The following MCPH1 variants were observed in gnomAD, a reference collection of about 807,000 sequenced individuals.
MCPH1 encodes microcephalin 1.
A neutral mutation model predicts 84.5 loss-of-function variants in MCPH1; 104 were observed. The ratio of observed to expected loss-of-function variants is 1.23; its 90% CI spans 1.05 to 1.45. The LOEUF (loss-of-function observed/expected upper bound fraction) is 1.45. Ranked by LOEUF, MCPH1 falls within the 40% of genes most tolerant of loss-of-function variation. The probability of loss-of-function intolerance (pLI) is 0.00; values close to 1 mark genes in which losing one functional copy is unlikely to be tolerated. For synonymous variants in MCPH1, 514 were observed against 366.8 expected (o/e 1.40, Z -4.58); for missense variants, 1,498 against 1,005.7 (o/e 1.49, Z -6.62).
intron 13 of MCPH1, among the ~76,000 whole-genome samples, chr8:6,632,916 A>C (rs1409159711): frequency 6.6e-6 from 1 of 152,216 alleles, no homozygotes; most frequent in Admixed American, 6.5e-5. Flanking sequence ...GTTTAACCTA[A>C]GAATGAAAGG....
At chr8:6,409,165 C>A (rs994878422) in intron 1 of MCPH1, 114 bp from the exon 2 acceptor site, 4 of 858,960 alleles carry the variant, frequency 4.7e-6, no homozygotes, top group Non-Finnish European at 7.8e-6. Flanking sequence ...GGATTACAGG[C>A]GTGAGCCACT....
At chr8:6,441,018 A>G (rs572598275) in intron 6 of MCPH1, among the ~76,000 whole-genome samples, 143 of 152,248 alleles carry the variant, frequency 9.4e-4, no homozygotes, top group African/African-American at 3.3e-3. Context: ...CAGCTAAGCC[A>G]TCTCCTTTTG....
rs566280020 is a variant in MCPH1 at position 6,502,109 on chromosome 8, A to G, written c.2214+2180A>G. On this transcript the variant is annotated intron_variant, in intron 12 of 13. Transcript: ENST00000344683. ...TAGTTCTATAAAAATATATCTTACT[A>G]GGAAAGAAAACAGACCTCTGTTTTA... 6 of 152,272 alleles carry G rather than the reference A, an allele frequency of 3.9e-5. No individual in the cohort carries two copies. The East Asian group carries it at 1.2e-3, about 29-fold the overall frequency. The allele number at this position is 152,272 out of a possible 1,614,324, so 9.4% of individuals were successfully genotyped here.
At chr8:6,563,165 A>C in intron 12 of MCPH1, 1 of 397,240 alleles carries the variant, frequency 2.5e-6, no homozygotes, top group Non-Finnish European at 4.6e-6. Context: ...AGTCCTGCTC[A>C]CTTGGGAGGG....
chr8:6,621,418 C>T (rs1208745536), intron 12 of MCPH1, 36 bp from the exon 13 acceptor site: 9 of 1,612,154 alleles, frequency 5.6e-6, no homozygotes, highest in Non-Finnish European at 6.8e-6. Flanking sequence ...CTGGAGTGGT[C>T]CCACCTCTGT....
intron 12 of MCPH1, among the ~76,000 whole-genome samples, chr8:6,511,090 T>G (rs1032627883): frequency 6.6e-6 from 1 of 152,250 alleles, no homozygotes; most frequent in African/African-American, 2.4e-5. Flanking sequence ...TTGAACATGT[T>G]TAGTTCTCAT....
intron 2 of MCPH1, among the ~76,000 whole-genome samples, chr8:6,413,902 G>A (rs537191552): frequency 6.6e-6 from 1 of 151,998 alleles, no homozygotes; most frequent in African/African-American, 2.4e-5. Flanking sequence ...CTACAGGCAC[G>A]AACCTCCACG....
chr8:6,621,942 C>T (rs1057481145), intron 13 of MCPH1, among the ~76,000 whole-genome samples: 7 of 152,170 alleles, frequency 4.6e-5, no homozygotes, highest in African/African-American at 4.8e-5. Context: ...TTCCCTGGCT[C>T]GTGTGAAAAA....
At chr8:6,642,874 G>C (rs745987104) in intron 13 of MCPH1, 120 bp from the exon 14 acceptor site, 184 of 922,796 alleles carry the variant, frequency 2.0e-4, no homozygotes, top group Non-Finnish European at 2.7e-4. Context: ...GGGGCCTATG[G>C]ACAACACAGC....
chr8:6,565,943 A>G (rs1041398224), intron 12 of MCPH1, among the ~76,000 whole-genome samples: 3 of 152,226 alleles, frequency 2.0e-5, no homozygotes, highest in Non-Finnish European at 4.4e-5. Context: ...TATCGGAACC[A>G]GAGAGTCAGG....
rs11459930 is a variant in MCPH1 at position 6,453,396 on chromosome 8, C to CTT, written c.1826-1736_1826-1735dup. Among the ~76,000 whole-genome samples, 293 of 147,442 alleles carry CTT rather than the reference C, an allele frequency of 2.0e-3. 2 individuals carry two copies. Among genetic ancestry groups the CTT allele is most frequent in the South Asian group, 4.7e-3 (22 of 4,680 alleles). On this transcript the variant is annotated intron_variant, in intron 8 of 13. Coordinates refer to ENST00000344683, the MANE Select transcript of MCPH1 (RefSeq NM_024596.5). ...GTGAAAACATGTTAACAATATCAGT[C>CTT]TTTTTTTTTTTTAATATCAGTCTTT...
intron 12 of MCPH1, among the ~76,000 whole-genome samples, chr8:6,509,952 C>T (rs1374128862): frequency 2.0e-5 from 3 of 152,178 alleles, no homozygotes; most frequent in Non-Finnish European, 2.9e-5. Flanking sequence ...TGCCACATAT[C>T]ACTAGCCAGG....
In MCPH1 at chr8:6,445,124, A is replaced by C. The variant is rs1472912410; in HGVS notation, c.1402A>C (p.Thr468Pro). The C allele has an allele frequency of 1.9e-6, 3 of 1,614,262 alleles. No individual in the cohort carries two copies. Among genetic ancestry groups the C allele is most frequent in the Admixed American group, 1.7e-5 (1 of 60,034 alleles). ...MSDFSCVGKK[T>P]RTVDITNFTA... ...TGATTTTTCCTGCGTTGGCAAAAAA[A>C]CCAGAACAGTTGACATTACCAATTT... Residue 468 changes from threonine to proline, a missense_variant, in exon 8 of 14, where the codon ACC (threonine) becomes CCC (proline). Physicochemically the swap from Thr to Pro is conservative, Grantham distance 38. Transcript: ENST00000344683.
intron 12 of MCPH1, among the ~76,000 whole-genome samples, chr8:6,596,904 G>A (rs1828972422): frequency 6.6e-6 from 1 of 152,172 alleles, no homozygotes; most frequent in Admixed American, 6.5e-5. Context: ...CAGTAAGAAT[G>A]AATGAGAAAA....
chr8:6,585,614 T>C (rs1484118574), intron 12 of MCPH1, among the ~76,000 whole-genome samples: 1 of 152,260 alleles, frequency 6.6e-6, no homozygotes, highest in Non-Finnish European at 1.5e-5. Flanking sequence ...TGAAATTTAT[T>C]TGTGACATCA....
At chr8:6,425,806 G>A (rs1427959818) in intron 3 of MCPH1, among the ~76,000 whole-genome samples, 4 of 152,194 alleles carry the variant, frequency 2.6e-5, no homozygotes, top group South Asian at 2.1e-4. Flanking sequence ...TTTCCAGCAC[G>A]GTTGGTGTGA....
At chr8:6,488,747 C>G (rs776561704) in intron 11 of MCPH1, among the ~76,000 whole-genome samples, 2 of 151,924 alleles carry the variant, frequency 1.3e-5, no homozygotes, top group African/African-American at 2.4e-5. Flanking sequence ...AGCCATCGGA[C>G]TATTTTAATT....
intron 3 of MCPH1, among the ~76,000 whole-genome samples, chr8:6,421,745 C>T (rs1345727381): frequency 1.3e-5 from 2 of 152,196 alleles, no homozygotes; most frequent in Non-Finnish European, 2.9e-5. Flanking sequence ...GCATTCACTA[C>T]TTTCCCCTTT....
rs577540219 is a variant in MCPH1 at position 6,628,552 on chromosome 8, A to C, written c.2452+6861A>C. Among the ~76,000 whole-genome samples, 87 of 152,176 alleles carry C rather than the reference A, an allele frequency of 5.7e-4. No homozygotes were observed. In the South Asian group the frequency reaches 8.5e-3, roughly 15 times the overall value. ...CAGGAGTCAGCTGTCTATTCAATTC[A>C]GAATAAGAAATATTGTAGACAAGGC... On this transcript the variant is annotated intron_variant, in intron 13 of 13. Coordinates refer to ENST00000344683, the MANE Select transcript of MCPH1 (RefSeq NM_024596.5).
Sources: allele counts gnomAD v4.1 joint callset (sites outside exome capture counted in the v4.1 genomes callset), GRCh38; gene constraint gnomAD v4.1.1; transcripts MANE v1.5; gene names NCBI Gene and HGNC (gene_info 2026-07-23, HGNC 2026-07-21).